Variants in STARD3 observed in about 807,000 individuals in gnomAD.
The protein encoded by STARD3 is stAR-related lipid transfer protein 3.
A neutral mutation model predicts 62.0 loss-of-function variants in STARD3; 39 were observed. The ratio of observed to expected loss-of-function variants is 0.63; its 90% confidence interval spans 0.49 to 0.82. STARD3 has a LOEUF of 0.82. STARD3 is among the 40% of genes least tolerant of loss of function. The pLI is 0.00. For missense variants in STARD3, 543 were observed against 584.5 expected (o/e 0.93, Z 0.73); for synonymous variants, 229 against 242.4 (o/e 0.94, Z 0.51).
chr17:39,662,290 G>T lies in STARD3; in HGVS notation c.1179G>T (p.Ser393=). The stretch of plus-strand genomic sequence containing the variant: ...CTGGGGGCTTCATCGTGCTCAAGTC[G>T]GCCAGTAACCCCCGTGTTTGCACCT... ...NGPGGFIVLK[S]ASNPRVCTFV... is the part of the protein sequence containing the mutation. The change falls in exon 14 of 15, where the codon TCG becomes TCT. Residue 393 remains serine (S), a synonymous_variant. Coordinates refer to ENST00000336308, the MANE Select transcript of STARD3 (RefSeq NM_006804.4). 6.2e-7 allele frequency: 1 copy of T among 1,613,950 alleles called. No individual in the cohort carries two copies. The highest frequency in any genetic ancestry group is 8.5e-7 in the Non-Finnish European group (1 of 1,179,968).
Position 39,663,036 on chromosome 17 carries a change from C to T in STARD3, c.*128C>T, listed in dbSNP as rs780279110. On this transcript the variant is annotated 3_prime_UTR_variant, in exon 15 of 15. Coordinates refer to ENST00000336308, the MANE Select transcript of STARD3 (RefSeq NM_006804.4). ...CAGGCTGTCACCCTCCACCGAGCCA[C>T]GCAGTGCCTGGAGTTGACTGACTGA... The T allele has an allele frequency of 6.2e-6, 6 of 964,868 alleles. No individual in the cohort carries two copies. Among genetic ancestry groups the T allele is most frequent in the South Asian group, 1.7e-5 (1 of 58,106 alleles). The allele number at this position is 964,868 out of a possible 1,614,324, so 59.8% of individuals were successfully genotyped here.
At chr17:39,657,878 T>G in intron 4 of STARD3, 26 bp downstream of exon 4, 3 of 1,614,138 alleles carry the variant, frequency 1.9e-6, no homozygotes, top group Non-Finnish European at 2.5e-6. Flanking sequence ...CCTGGCAGCT[T>G]CTGGGCCCTG....
In STARD3 at chr17:39,653,765, G is replaced by A. The variant is rs1597794825; in HGVS notation, c.219+15G>A. On this transcript the variant is annotated intron_variant, in intron 2 of 14. Transcript: ENST00000336308. ...TCGAACTGAATGTGAGTGGGGGCGA[G>A]GTGGGGGCACAGGCCATGTTGCAGG... 1 of 1,613,700 alleles carries A rather than the reference G, an allele frequency of 6.2e-7. No homozygotes were observed. Among genetic ancestry groups the A allele is most frequent in the East Asian group, 2.2e-5 (1 of 44,882 alleles).
At chr17:39,657,122 C>T (rs1279203282) in intron 3 of STARD3, 37 bp downstream of exon 3, 1 of 1,596,960 alleles carries the variant, frequency 6.3e-7, no homozygotes, top group Admixed American at 1.7e-5. Flanking sequence ...ACCCCGGAGG[C>T]AGAGAGGGAG....
chr17:39,659,197 C>G (rs543920837), intron 8 of STARD3, 91 bp downstream of exon 8: 5 of 1,524,394 alleles, frequency 3.3e-6, no homozygotes, highest in Admixed American at 1.7e-5. Context: ...GCAGGGGTTT[C>G]CCAGTAGAGG....
At chr17:39,648,407 C>T (rs1283636242) in intron 1 of STARD3, among the ~76,000 whole-genome samples, 1 of 152,216 alleles carries the variant, frequency 6.6e-6, no homozygotes, top group Non-Finnish European at 1.5e-5. Flanking sequence ...GTCAAAGCTA[C>T]AGTGAGCCAT....
intron 1 of STARD3, among the ~76,000 whole-genome samples, chr17:39,638,705 A>C (rs2056957692): frequency 6.6e-6 from 1 of 152,226 alleles, no homozygotes; most frequent in South Asian, 2.1e-4. Context: ...CCTGTTTGGT[A>C]ACCTTGATGA....
intron 1 of STARD3, 93 bp from the exon 2 acceptor site, chr17:39,653,388 G>C (rs2057095378): frequency 3.5e-6 from 3 of 852,226 alleles, no homozygotes; most frequent in Non-Finnish European, 5.4e-6. Context: ...CCAGTGTAGA[G>C]ACAAATGCGT....
At chr17:39,648,605 T>C (rs9892427) in intron 1 of STARD3, among the ~76,000 whole-genome samples, 19,873 of 152,148 alleles carry the variant, frequency 0.13, 2,069 homozygotes, top group African/African-American at 0.29. Context: ...TCCTTAACTC[T>C]GGGCCAGTGC....
At chr17:39,643,061 G>A (rs150955007) in intron 1 of STARD3, among the ~76,000 whole-genome samples, 1 of 152,280 alleles carries the variant, frequency 6.6e-6, no homozygotes, top group African/African-American at 2.4e-5. Flanking sequence ...GATCCCTGTG[G>A]CTGCTGTGTT....
intron 3 of STARD3, among the ~76,000 whole-genome samples, chr17:39,657,548 C>G (rs375808219): frequency 1.3e-5 from 2 of 152,004 alleles, no homozygotes; most frequent in Non-Finnish European, 2.9e-5. Flanking sequence ...AAAACCTTTC[C>G]TCCACAAAGC....
chr17:39,640,658 G>A (rs993211957), intron 1 of STARD3, among the ~76,000 whole-genome samples: 15 of 151,176 alleles, frequency 9.9e-5, no homozygotes, highest in Non-Finnish European at 2.1e-4. Context: ...GGCAGGTGGG[G>A]CCTGATTCAC....
At chr17:39,653,250 G>T in intron 1 of STARD3, 1 of 523,744 alleles carries the variant, frequency 1.9e-6, no homozygotes, top group Admixed American at 3.2e-5. Flanking sequence ...CCCTGTGGCT[G>T]CTGGGCTTGG....
intron 2 of STARD3, among the ~76,000 whole-genome samples, chr17:39,654,499 T>A (rs1597795303): frequency 6.6e-6 from 1 of 152,200 alleles, no homozygotes; most frequent in African/African-American, 2.4e-5. Flanking sequence ...CCGGGCAGCC[T>A]GGAGACCAGA....
chr17:39,644,249 G>T (rs1414202074), intron 1 of STARD3, among the ~76,000 whole-genome samples: 1 of 152,190 alleles, frequency 6.6e-6, no homozygotes, highest in Non-Finnish European at 1.5e-5. Context: ...GAATCCCAGG[G>T]CACAGCTCTA....
At chr17:39,648,431 G>A (rs1441115812) in intron 1 of STARD3, among the ~76,000 whole-genome samples, 1 of 152,156 alleles carries the variant, frequency 6.6e-6, no homozygotes, top group African/African-American at 2.4e-5. Flanking sequence ...CACGCCTCTG[G>A]ACTCCAGCCT....
At chr17:39,651,273 A>T (rs1250980345) in intron 1 of STARD3, among the ~76,000 whole-genome samples, 1 of 152,218 alleles carries the variant, frequency 6.6e-6, no homozygotes, top group African/African-American at 2.4e-5. Flanking sequence ...GCTTGCTCAG[A>T]ACCTCCTGCC....
intron 1 of STARD3, among the ~76,000 whole-genome samples, chr17:39,641,959 A>G (rs1261887582): frequency 1.3e-5 from 2 of 152,220 alleles, no homozygotes; most frequent in East Asian, 3.9e-4. Context: ...TCTAGCTGTG[A>G]TAAGGGAAGT....
Position 39,660,202 on chromosome 17 carries a change from C to T in STARD3, c.796-9C>T, listed in dbSNP as rs538889239. 1.9e-6 allele frequency: 3 copies of T among 1,613,990 alleles called. No homozygotes were observed. The Admixed American group carries it at 5.0e-5, about 27-fold the overall frequency. ...CTCTCCTCCCTGCCACCTTCTGTCCCTGCCATAGGAATATGGGGACACCGT... is the reference window on the plus strand; with the variant it reads ...CTCTCCTCCCTGCCACCTTCTGTCCTTGCCATAGGAATATGGGGACACCGT... On this transcript the variant is annotated splice_polypyrimidine_tract_variant and intron_variant, in intron 9 of 14. Coordinates refer to ENST00000336308, the MANE Select transcript of STARD3 (RefSeq NM_006804.4). This position sits in a 1 kb window ranked among gnomAD's most constrained non-coding sequence, Gnocchi z 4.8.
Sources: allele counts gnomAD v4.1 joint callset (sites outside exome capture counted in the v4.1 genomes callset), GRCh38; gene constraint gnomAD v4.1.1; non-coding constraint Gnocchi (gnomAD v3.1); transcripts MANE v1.5; gene names NCBI Gene and HGNC (gene_info 2026-07-23, HGNC 2026-07-21).